The following CAMTA1 variants were observed in gnomAD, a reference collection of about 807,000 sequenced individuals.
CAMTA1 encodes the protein calmodulin-binding transcription activator 1.
CAMTA1 carries 27 observed loss-of-function variants against 170.9 expected under a neutral mutation model. That is an observed-to-expected ratio of 0.16 (90% CI 0.12 to 0.22). The LOEUF (loss-of-function observed/expected upper bound fraction) is 0.22. CAMTA1 is among the 10% of genes least tolerant of loss of function. The pLI, the probability that CAMTA1 is intolerant of heterozygous loss-of-function variation, is 1.00. For synonymous variants in CAMTA1, 833 were observed against 891.5 expected, an observed-to-expected ratio of 0.93 and a Z score of 1.17; for missense variants, 1,619 against 2,217.2, an observed-to-expected ratio of 0.73 and a Z score of 5.42.
At chr1:7,741,873 G>T (rs564974566) in intron 16 of CAMTA1, among the ~76,000 whole-genome samples, 1 of 151,684 alleles carries the variant, frequency 6.6e-6, no homozygotes, top group Non-Finnish European at 1.5e-5. Context: ...TCCTGACCTT[G>T]TGATCTGCCT....
chr1:7,107,507 G>A (rs1481784366), intron 4 of CAMTA1, among the ~76,000 whole-genome samples: 1 of 152,148 alleles, frequency 6.6e-6, no homozygotes, highest in African/African-American at 2.4e-5. Context: ...AAGCCACACA[G>A]AGAGCAGATT....
rs961114566 is a variant in CAMTA1, at chr1:7,661,975, G to A, written c.805+109G>A. 446 of 1,314,376 alleles carry A rather than the reference G, an allele frequency of 3.4e-4. 4 individuals are homozygous for A. The highest frequency in any genetic ancestry group is 7.5e-5 in the Non-Finnish European group (72 of 962,460). The allele number at this position is 1,314,376 out of a possible 1,614,324, so 81.4% of individuals were successfully genotyped here. On this transcript the variant is annotated intron_variant, in intron 8 of 22. Transcript: ENST00000303635. Reference sequence around the variant, plus strand: ...AGTAGCCATGACATCTAGTGAGGGAGGAGGGGGACAGTCAGGGACTGGGCG... The same window carrying A: ...AGTAGCCATGACATCTAGTGAGGGAAGAGGGGGACAGTCAGGGACTGGGCG...
chr1:7,377,966 A>G (rs763269479), intron 5 of CAMTA1, among the ~76,000 whole-genome samples: 1 of 152,202 alleles, frequency 6.6e-6, no homozygotes, highest in East Asian at 1.9e-4. Context: ...GAACCCCTCC[A>G]TGCACATTTG....
chr1:6,803,007 T>C (rs1162688136), intron 1 of CAMTA1, among the ~76,000 whole-genome samples: 1 of 152,204 alleles, frequency 6.6e-6, no homozygotes, highest in Non-Finnish European at 1.5e-5. Context: ...CCTCAGTCTC[T>C]CAAAGGGCTG....
chr1:7,383,891 G>A (rs1211319981), intron 5 of CAMTA1, among the ~76,000 whole-genome samples: 1 of 152,148 alleles, frequency 6.6e-6, no homozygotes, highest in Non-Finnish European at 1.5e-5. Flanking sequence ...TGACACCCTC[G>A]GTGCGGGTAT....
At chr1:6,976,064 A>G (rs2149608991) in intron 3 of CAMTA1, among the ~76,000 whole-genome samples, 1 of 152,356 alleles carries the variant, frequency 6.6e-6, no homozygotes, top group East Asian at 1.9e-4. Flanking sequence ...GCCAGGCACC[A>G]GGATGCCTAA....
intron 1 of CAMTA1, among the ~76,000 whole-genome samples, chr1:6,814,982 G>T (rs1012184833): frequency 1.3e-5 from 2 of 151,998 alleles, no homozygotes; most frequent in African/African-American, 2.4e-5. Flanking sequence ...TCTCTGAGTG[G>T]AGACAAAATG....
At chr1:7,625,895 G>A (rs938609321) in intron 6 of CAMTA1, among the ~76,000 whole-genome samples, 2 of 152,214 alleles carry the variant, frequency 1.3e-5, no homozygotes, top group African/African-American at 4.8e-5. Flanking sequence ...GTTATTACCC[G>A]AGGAGGCTTA....
chr1:7,490,633 C>G (rs1257007130), intron 6 of CAMTA1, among the ~76,000 whole-genome samples: 2 of 147,638 alleles, frequency 1.4e-5, no homozygotes, highest in African/African-American at 2.6e-5. Flanking sequence ...GCCTGGGTGA[C>G]GAGAGCGAAA....
intron 3 of CAMTA1, among the ~76,000 whole-genome samples, chr1:7,060,132 C>G (rs1251085051): frequency 1.3e-5 from 2 of 152,140 alleles, no homozygotes; most frequent in African/African-American, 4.8e-5. Flanking sequence ...AAAATCCTTT[C>G]CTAGGGGGTG....
intron 6 of CAMTA1, among the ~76,000 whole-genome samples, chr1:7,594,163 G>A (rs1163683412): frequency 7.3e-6 from 1 of 137,110 alleles, no homozygotes. Context: ...AAGAAGGAAG[G>A]AGAAAGGAAA....
intron 3 of CAMTA1, among the ~76,000 whole-genome samples, chr1:7,089,355 C>T (rs1641168687): frequency 6.6e-6 from 1 of 152,156 alleles, no homozygotes; most frequent in Admixed American, 6.5e-5. Context: ...AAGTGTGTTA[C>T]TATTTTGCCT....
rs1341302072 is a variant in CAMTA1, at chr1:7,014,698, G to A, written c.235-76606G>A. 3.3e-5 allele frequency among the ~76,000 whole-genome samples: 5 copies of A among 152,156 alleles called. No individual in the cohort carries two copies. The highest frequency in any genetic ancestry group is 9.7e-5 in the African/African-American group (4 of 41,438). ...TCAAAAAGGAAGCCTCTCCTCTCGG[G>A]TATCATGACCAGGCTCCTCGTAAGA... is the stretch of plus-strand genomic sequence containing the variant. On this transcript the variant is annotated intron_variant, in intron 3 of 22. Coordinates refer to ENST00000303635, the MANE Select transcript of CAMTA1 (RefSeq NM_015215.4). This position sits in a 1 kb window ranked among gnomAD's most constrained non-coding sequence, Gnocchi z 4.2.
Position 7,716,520 on chromosome 1 carries a change from T to C in CAMTA1, c.2915-15928T>C, listed in dbSNP as rs1241627486. Among the ~76,000 whole-genome samples the C allele has an allele frequency of 1.3e-5, 2 of 152,134 alleles. 1 individual carries two copies. The highest frequency in any genetic ancestry group is 2.9e-5 in the Non-Finnish European group (2 of 68,034). ...AGATTTTGTAGCACTATGAAAAACA[T>C]TATAATTAATAAACTTGTGAGTTCT... On this transcript the variant is annotated intron_variant, in intron 11 of 22. Coordinates refer to ENST00000303635, the MANE Select transcript of CAMTA1 (RefSeq NM_015215.4).
chr1:6,867,608 A>G (rs1015677105), intron 3 of CAMTA1, among the ~76,000 whole-genome samples: 1 of 152,180 alleles, frequency 6.6e-6, no homozygotes, highest in Non-Finnish European at 1.5e-5. Flanking sequence ...AATAGATGGC[A>G]TTTTTATCAT....
In CAMTA1 at chr1:7,664,680, G is replaced by A. The variant is rs985092672; in HGVS notation, c.2133G>A (p.Gln711=). The A allele has an allele frequency of 1.9e-6, 3 of 1,605,442 alleles. No individual in the cohort carries two copies. Among genetic ancestry groups the A allele is most frequent in the South Asian group, 2.2e-5 (2 of 90,914 alleles). ...SEVLLKSGEL[Q]ACSSEHYLQP... ...TCCTGCTCAAGTCTGGGGAGCTGCA[G>A]GCTTGCAGCTCTGAGCACTACCTGC... Residue 711 remains glutamine, a synonymous_variant, in exon 9 of 23, where the codon CAG becomes CAA. Transcript: ENST00000303635.
chr1:6,937,007 CAG>C (rs899324855), intron 3 of CAMTA1, among the ~76,000 whole-genome samples: 3 of 151,984 alleles, frequency 2.0e-5, no homozygotes, highest in African/African-American at 7.2e-5. Context: ...ACAAAAAAAA[CAG>C]AGAGAGGATT....
At chr1:7,602,192 C>G (rs1277674066) in intron 6 of CAMTA1, among the ~76,000 whole-genome samples, 4 of 139,352 alleles carry the variant, frequency 2.9e-5, no homozygotes, top group Non-Finnish European at 6.1e-5. Context: ...CCTCGATTCC[C>G]TCTTTTTCTA....
At chr1:7,459,807 G>A (rs1198691950) in intron 5 of CAMTA1, among the ~76,000 whole-genome samples, 6 of 152,222 alleles carry the variant, frequency 3.9e-5, no homozygotes, top group Non-Finnish European at 7.3e-5. Context: ...CTCTGGCTAC[G>A]TGCCACATGA....
Sources: allele counts gnomAD v4.1 joint callset (sites outside exome capture counted in the v4.1 genomes callset), GRCh38; gene constraint gnomAD v4.1.1; non-coding constraint Gnocchi (gnomAD v3.1); transcripts MANE v1.5; gene names NCBI Gene and HGNC (gene_info 2026-07-23, HGNC 2026-07-21).